Variants in NMNAT3 observed in about 807,000 individuals in gnomAD.
The protein encoded by NMNAT3 is nicotinamide nucleotide adenylyltransferase 3, also known as nicotinamide/nicotinic acid mononucleotide adenylyltransferase 3.
Under a neutral mutation model 24.8 loss-of-function variants are expected in NMNAT3, and 21 were observed. The observed-to-expected ratio is 0.85, with a 90% CI of 0.60 to 1.22. NMNAT3 has a LOEUF of 1.22. NMNAT3 is among the 50% of genes most tolerant of loss of function. The probability of loss-of-function intolerance (pLI) is 0.00; values close to 1 mark genes in which losing one functional copy is unlikely to be tolerated. For synonymous variants in NMNAT3, 136 were observed against 155.2 expected (o/e 0.88, Z 0.92); for missense variants, 387 against 436.6 (o/e 0.89, Z 1.01).
intron 3 of NMNAT3, among the ~76,000 whole-genome samples, chr3:139,625,017 G>A (rs769314452): frequency 1.4e-4 from 22 of 152,050 alleles, no homozygotes; most frequent in Non-Finnish European, 2.9e-4. Flanking sequence ...TATGTATTTT[G>A]AAGTTATATT....
chr3:139,642,101 G>A lies in NMNAT3; in HGVS notation c.-140-4039C>T, dbSNP rs574889367. 7.2e-5 allele frequency among the ~76,000 whole-genome samples: 11 copies of A among 152,342 alleles called. No homozygotes were observed. The East Asian group carries it at 2.1e-3, about 29-fold the overall frequency. On this transcript the variant is annotated intron_variant, in intron 1 of 6. Transcript: ENST00000643695. ...CCCTCCCTCCCCTGGACACTGTGGT[G>A]TAGGGATATGATGCTTGGGGCTGCT...
At chr3:139,582,222 A>T (rs1368735149) in intron 4 of NMNAT3, among the ~76,000 whole-genome samples, 7 of 151,798 alleles carry the variant, frequency 4.6e-5, no homozygotes, top group Non-Finnish European at 1.0e-4. Context: ...AAAGAAAAAA[A>T]AACCACATGT....
intron 1 of NMNAT3, among the ~76,000 whole-genome samples, chr3:139,660,914 A>C (rs1384407770): frequency 6.6e-6 from 1 of 152,232 alleles, no homozygotes; most frequent in Non-Finnish European, 1.5e-5. Context: ...GAATTTGCTA[A>C]AGAAAACGTG....
intron 1 of NMNAT3, among the ~76,000 whole-genome samples, chr3:139,661,632 T>C (rs1270910003): frequency 6.6e-6 from 1 of 152,154 alleles, no homozygotes; most frequent in African/African-American, 2.4e-5. Context: ...ACTGTGCCAC[T>C]GCACTCAGCT....
intron 1 of NMNAT3, among the ~76,000 whole-genome samples, chr3:139,648,286 T>C (rs2056938350): frequency 2.0e-5 from 3 of 152,244 alleles, no homozygotes; most frequent in African/African-American, 7.2e-5. Flanking sequence ...GTAAGTTTCC[T>C]GAGGCCTCCT....
At chr3:139,623,932 C>T (rs2055922306) in intron 3 of NMNAT3, among the ~76,000 whole-genome samples, 1 of 152,140 alleles carries the variant, frequency 6.6e-6, no homozygotes, top group African/African-American at 2.4e-5. Flanking sequence ...TTTGTTTACA[C>T]CAGCGTCACC....
intron 1 of NMNAT3, among the ~76,000 whole-genome samples, chr3:139,642,495 GGAT>G (rs1291339826): frequency 6.6e-6 from 1 of 152,206 alleles, no homozygotes; most frequent in Non-Finnish European, 1.5e-5. Context: ...GCCTAGGAAA[GGAT>G]GATATGTTGA....
At chr3:139,607,186 A>G (rs1325797209) in intron 3 of NMNAT3, among the ~76,000 whole-genome samples, 2 of 151,900 alleles carry the variant, frequency 1.3e-5, no homozygotes. Flanking sequence ...ATCTATATCT[A>G]TCCTCAAATG....
At chr3:139,626,643 T>C (rs2056064090) in intron 3 of NMNAT3, among the ~76,000 whole-genome samples, 1 of 152,138 alleles carries the variant, frequency 6.6e-6, no homozygotes, top group African/African-American at 2.4e-5. Flanking sequence ...GAACACCAAA[T>C]TGTCCTCAAA....
intron 3 of NMNAT3, among the ~76,000 whole-genome samples, chr3:139,609,310 A>T (rs918088576): frequency 2.6e-5 from 4 of 152,226 alleles, no homozygotes; most frequent in African/African-American, 9.6e-5. Context: ...AGAAACTGCC[A>T]AACTGCTTTC....
chr3:139,601,992 T>C (rs1034617785), intron 3 of NMNAT3, among the ~76,000 whole-genome samples: 2 of 152,248 alleles, frequency 1.3e-5, no homozygotes, highest in African/African-American at 4.8e-5. Context: ...GATGCCTTGA[T>C]TCTGCATTAA....
At chr3:139,565,134 T>A (rs1049402958) in intron 6 of NMNAT3, among the ~76,000 whole-genome samples, 20 of 152,210 alleles carry the variant, frequency 1.3e-4, no homozygotes, top group African/African-American at 4.8e-4. Flanking sequence ...GTATACAGTA[T>A]AATTTAGGTA....
chr3:139,667,293 A>T (rs112809894), intron 1 of NMNAT3, among the ~76,000 whole-genome samples: 3 of 152,104 alleles, frequency 2.0e-5, no homozygotes, highest in Admixed American at 1.3e-4. Flanking sequence ...TTTTGATAAT[A>T]GTCATTTTAA....
At chr3:139,580,824 T>C (rs1940074991) in intron 4 of NMNAT3, among the ~76,000 whole-genome samples, 1 of 152,100 alleles carries the variant, frequency 6.6e-6, no homozygotes, top group Non-Finnish European at 1.5e-5. Flanking sequence ...CTTTTTTTTT[T>C]GGCAATCACC....
At chr3:139,605,914 AT>A (rs11350902) in intron 3 of NMNAT3, among the ~76,000 whole-genome samples, 22,122 of 150,378 alleles carry the variant, frequency 0.15, 1,823 homozygotes, top group African/African-American at 0.24. Flanking sequence ...GCTTCATGTG[AT>A]TTTTTTTTTT....
chr3:139,562,666 C>A (rs1424662294), intron 6 of NMNAT3, among the ~76,000 whole-genome samples: 2 of 152,168 alleles, frequency 1.3e-5, no homozygotes, highest in Non-Finnish European at 2.9e-5. Flanking sequence ...ACTGGAGCAA[C>A]TGTGGAATGG....
chr3:139,633,551 GT>G (rs1384840177), intron 2 of NMNAT3, among the ~76,000 whole-genome samples: 7 of 152,178 alleles, frequency 4.6e-5, no homozygotes, highest in African/African-American at 1.7e-4. Flanking sequence ...GCCATAGGAA[GT>G]TAAAACACCC....
intron 6 of NMNAT3, chr3:139,566,811 TG>T (rs1178283154): frequency 6.6e-6 from 1 of 152,252 alleles, no homozygotes; most frequent in African/African-American, 2.4e-5. Context: ...CCTCCAGATT[TG>T]TTCTTTTGGC....
At chr3:139,595,190 A>G (rs1034051479) in intron 3 of NMNAT3, among the ~76,000 whole-genome samples, 2 of 152,188 alleles carry the variant, frequency 1.3e-5, no homozygotes, top group Non-Finnish European at 2.9e-5. Context: ...GAGCCAAATC[A>G]TGAGTGAATT....
Sources: allele counts gnomAD v4.1 joint callset (sites outside exome capture counted in the v4.1 genomes callset), GRCh38; gene constraint gnomAD v4.1.1; transcripts MANE v1.5; gene names NCBI Gene and HGNC (gene_info 2026-07-23, HGNC 2026-07-21).